Variants in TEP1 observed in about 807,000 individuals in gnomAD.
TEP1 encodes the protein telomerase protein component 1.
TEP1 carries 241 observed loss-of-function variants against 306.3 expected under a neutral mutation model. The observed-to-expected ratio is 0.79, with a 90% CI of 0.71 to 0.88. TEP1 has a LOEUF of 0.88. TEP1 is among the 40% of genes least tolerant of loss of function. TEP1 has a pLI of 0.00. For synonymous variants in TEP1, 1,289 were observed against 1,305.5 expected, an observed-to-expected ratio of 0.99 and a Z score of 0.27; for missense variants, 3,051 against 3,276.1, an observed-to-expected ratio of 0.93 and a Z score of 1.68.
rs771764886 is a variant in TEP1 at position 20,373,828 on chromosome 14, G to C, written c.6472-18C>G. On this transcript the variant is annotated intron_variant, in intron 44 of 54. Transcript: ENST00000262715. ...TGCTCCTCCTGCCCACAGAGCACAA[G>C]ATCAGAGCAGAGTCATATTGAGCAG... The C allele has an allele frequency of 6.2e-7, 1 of 1,610,986 alleles. No individual in the cohort carries two copies. Among genetic ancestry groups the C allele is most frequent in the Non-Finnish European group, 8.5e-7 (1 of 1,179,046 alleles).
At chr14:20,369,143 G>C (rs1197430570) in intron 53 of TEP1, among the ~76,000 whole-genome samples, 2 of 152,102 alleles carry the variant, frequency 1.3e-5, no homozygotes, top group Non-Finnish European at 2.9e-5. Context: ...GAGTAGCTGG[G>C]ACTACAGGCA....
chr14:20,369,505 A>G lies in TEP1; in HGVS notation c.7495T>C (p.Trp2499Arg), dbSNP rs769359774. The change falls in exon 53 of 55, where the codon TGG (tryptophan) becomes CGG (arginine). Residue 2499 changes from tryptophan to arginine, a missense_variant. Coordinates refer to ENST00000262715, the MANE Select transcript of TEP1 (RefSeq NM_007110.5). The stretch of plus-strand genomic sequence containing the variant: ...TTCTGCCACATGTTACCTGTGGTCC[A>G]TTCTCCTTCTGGGCTGCATTTGGCC... ...NLAKCSPEGE[W>R]TTGNMWQKKA... The G allele has an allele frequency of 1.1e-5, 17 of 1,614,110 alleles. No individual in the cohort carries two copies. The highest frequency in any genetic ancestry group is 1.3e-5 in the Non-Finnish European group (15 of 1,180,032).
chr14:20,386,556 G>A lies in TEP1; in HGVS notation c.2752C>T (p.Leu918=). 4 of 1,612,344 alleles carry A rather than the reference G, an allele frequency of 2.5e-6. No homozygotes were observed. The highest frequency in any genetic ancestry group is 2.5e-6 in the Non-Finnish European group (3 of 1,178,730). ...TGCAGTGCTGGCAGCACAGACCTCA[G>A]CAGCAGGTCCCGCTCCCCATGCATG... ...RDMHGERDLL[L]RSVLPALQAR... Residue 918 remains leucine (L), a synonymous_variant, in exon 19 of 55, where the codon CTG becomes TTG. Transcript: ENST00000262715.
chr14:20,384,111 T>G lies in TEP1; in HGVS notation c.3461A>C (p.Gln1154Pro), dbSNP rs760888132. 3.7e-6 allele frequency: 6 copies of G among 1,614,040 alleles called. No homozygotes were observed. Among genetic ancestry groups the G allele is most frequent in the Non-Finnish European group, 5.1e-6 (6 of 1,180,016 alleles). The change falls in exon 24 of 55, where the codon CAA becomes CCA. Residue 1154 changes from glutamine (Q) to proline (P), a missense_variant. By Grantham distance (76) the Gln-to-Pro change is moderately conservative. This residue lies in a region of TEP1 where 1,507 missense variants were observed against 1,550.5 expected (regional missense o/e 0.97). Transcript: ENST00000262715. ...ARPRLLQDTVQRLMLPHGRLS... is the reference protein window; with the variant it reads ...ARPRLLQDTVPRLMLPHGRLS... ...CCTTCCGTGGGGCAGCATCAGCCGT[T>G]GCACTGTGTCCTGAAGAAGGCGTGG...
In TEP1 at chr14:20,387,976, C is replaced by T; in HGVS notation, c.2613G>A (p.Lys871=). The change falls in exon 18 of 55, where the codon AAG becomes AAA. Residue 871 remains lysine, a synonymous_variant. Coordinates refer to ENST00000262715, the MANE Select transcript of TEP1 (RefSeq NM_007110.5). ...GTGGCCGGAGAGACTGGACCCCTGT[C>T]TTTCCTGGGGGTGGTGGAATCTTGA... ...KIFKIPPPPG[K]TGVQSLRPLE... 6.2e-7 allele frequency: 1 copy of T among 1,614,150 alleles called. No individual in the cohort carries two copies. The highest frequency in any genetic ancestry group is 8.5e-7 in the Non-Finnish European group (1 of 1,180,004).
Position 20,405,471 on chromosome 14 carries a change from C to G in TEP1, c.850G>C (p.Glu284Gln). The G allele has an allele frequency of 5.0e-6, 8 of 1,614,062 alleles. No individual in the cohort carries two copies. Among genetic ancestry groups the G allele is most frequent in the Non-Finnish European group, 6.8e-6 (8 of 1,180,000 alleles). The part of the protein sequence containing the change: ...FEICRELALL[E>Q]PEFILKASLY... The stretch of plus-strand genomic sequence containing the variant: ...AATACCTTGAGGATAAACTCAGGCT[C>G]CAGGAGGGCAAGTTCACGACAGATT... The change falls in exon 4 of 55, where the codon GAG becomes CAG. Residue 284 changes from glutamate to glutamine, a missense_variant. Glu to Gln is a conservative substitution (Grantham distance 29). This residue lies in a region of TEP1 where 1,507 missense variants were observed against 1,550.5 expected (regional missense o/e 0.97). Transcript: ENST00000262715.
At position 20,368,427 on chromosome 14, in the gene TEP1, T is replaced by A; in HGVS notation, c.*10A>T. 6.2e-7 allele frequency: 1 copy of A among 1,613,842 alleles called. No homozygotes were observed. The highest frequency in any genetic ancestry group is 8.5e-7 in the Non-Finnish European group (1 of 1,179,764). On this transcript the variant is annotated 3_prime_UTR_variant, in exon 55 of 55. Coordinates refer to ENST00000262715, the MANE Select transcript of TEP1 (RefSeq NM_007110.5). ...CACAAGGGGTATCATTATTCCCGAG[T>A]GGCACATCTTCATTCCCAATTCAGA... is the stretch of plus-strand genomic sequence containing the variant.
At position 20,384,987 on chromosome 14, in the gene TEP1, G is replaced by A. The variant is rs374492071; in HGVS notation, c.3105C>T (p.Leu1035=). 64 of 1,614,114 alleles carry A rather than the reference G, an allele frequency of 4.0e-5. No homozygotes were observed. Among genetic ancestry groups the A allele is most frequent in the Admixed American group, 8.3e-5 (5 of 60,016 alleles). ...AGCCTGCAGGCAACAGACAGTACCT[G>A]AGGAAGCTGGAATCCCGGAAGTAGA... ...ALIYFRDSSF[L]SSVPDAWKSD... The change falls in exon 21 of 55, where the codon CTC becomes CTT. Residue 1035 remains leucine (L), a splice_region_variant and synonymous_variant. Transcript: ENST00000262715.
At position 20,379,966 on chromosome 14, in the gene TEP1, A is replaced by T. The variant is rs1470899170; in HGVS notation, c.5091T>A (p.Asn1697Lys). Residue 1697 changes from asparagine (N) to lysine (K), a missense_variant, in exon 35 of 55, where the codon AAT becomes AAA. Asn to Lys is a moderately conservative substitution (Grantham distance 94). Around this residue, in one of 3 missense-constraint regions of TEP1, gnomAD observed 1,540 missense variants for 1,705.9 expected, o/e 0.90. Transcript: ENST00000262715. ...TCAGGTCCAACAGGTAAACTGTCCC[A>T]TTGGCAGTGCCCACAGCTGCTCTTT... ...NGQRAAVGTA[N>K]GTVYLLDLRT... The T allele has an allele frequency of 5.6e-6, 9 of 1,614,052 alleles. No homozygotes were observed. Among genetic ancestry groups the T allele is most frequent in the Non-Finnish European group, 7.6e-6 (9 of 1,180,000 alleles).
rs376642082 is a variant in TEP1, at chr14:20,369,555, C to T, written c.7445G>A (p.Ser2482Asn). The T allele has an allele frequency of 3.0e-5, 49 of 1,614,032 alleles. No individual in the cohort carries two copies. Among genetic ancestry groups the T allele is most frequent in the Non-Finnish European group, 4.2e-5 (49 of 1,180,040 alleles). The change falls in exon 53 of 55, where the codon AGC becomes AAC. Residue 2482 changes from serine (S) to asparagine (N), a missense_variant. Ser to Asn is a conservative substitution (Grantham distance 46). Transcript: ENST00000262715. ...PESESSFLCA[S>N]SDGILWNLAK... Reference sequence around the variant, plus strand: ...CAGGTTCCATAGGATCCCATCAGAGCTGGCACACAAAAATGAGGACTCTGC... The same window carrying T: ...CAGGTTCCATAGGATCCCATCAGAGTTGGCACACAAAAATGAGGACTCTGC...
Position 20,384,140 on chromosome 14 carries a change from G to A in TEP1, c.3432C>T (p.Ala1144=). The A allele has an allele frequency of 6.2e-7, 1 of 1,614,150 alleles. No individual in the cohort carries two copies. Among genetic ancestry groups the A allele is most frequent in the Non-Finnish European group, 8.5e-7 (1 of 1,180,024 alleles). Residue 1144 remains alanine, a synonymous_variant, in exon 24 of 55, where the codon GCC becomes GCT. Transcript: ENST00000262715. ...FQQLQKPPSP[A]RPRLLQDTVQ... ...CTGTGTCCTGAAGAAGGCGTGGCCG[G>A]GCAGGACTCGGTGGCTTCTGCAGCT...
intron 51 of TEP1, among the ~76,000 whole-genome samples, chr14:20,370,004 C>T (rs1884739513): frequency 6.6e-6 from 1 of 151,760 alleles, no homozygotes; most frequent in South Asian, 2.1e-4. Context: ...ACCTCTGCCT[C>T]CTGGGTTCAA....
Position 20,369,407 on chromosome 14 carries a change from C to T in TEP1, c.7593G>A (p.Met2531Ile). 1 of 1,614,180 alleles carries T rather than the reference C, an allele frequency of 6.2e-7. No individual in the cohort carries two copies. Among genetic ancestry groups the T allele is most frequent in the African/African-American group, 1.3e-5 (1 of 75,036 alleles). Residue 2531 changes from methionine to isoleucine, a missense_variant, in exon 53 of 55, where the codon ATG becomes ATA. Physicochemically the swap from Met to Ile is conservative, Grantham distance 10. Around this residue, in one of 3 missense-constraint regions of TEP1, gnomAD observed 1,540 missense variants for 1,705.9 expected, o/e 0.90. Transcript: ENST00000262715. ...PSTCRESDAS[M>I]DSDASMDSEP... The stretch of plus-strand genomic sequence containing the variant: ...CACTATCCATGCTGGCATCACTATC[C>T]ATGCTGGCATCAGATTCCCTGCAGG...
At position 20,382,991 on chromosome 14, in the gene TEP1, G is replaced by T. The variant is rs572221058; in HGVS notation, c.4047+183C>A. On this transcript the variant is annotated intron_variant, in intron 27 of 54. Transcript: ENST00000262715. The stretch of plus-strand genomic sequence containing the variant: ...GGCCCTGGAAAGGCCATTCACCGGG[G>T]GAAGAGGGCTGGGTGACATGATCAG... Among the ~76,000 whole-genome samples, 7 of 152,348 alleles carry T rather than the reference G, an allele frequency of 4.6e-5. No individual in the cohort carries two copies. In the East Asian group the frequency reaches 1.3e-3, roughly 29 times the overall value.
Position 20,405,441 on chromosome 14 carries a change from A to C in TEP1, c.870+10T>G. 1 of 1,613,230 alleles carries C rather than the reference A, an allele frequency of 6.2e-7. No individual in the cohort carries two copies. The highest frequency in any genetic ancestry group is 8.5e-7 in the Non-Finnish European group (1 of 1,179,744). ...TTCACACCCCCATCCCCTCCTTCAC[A>C]CCTCAATACCTTGAGGATAAACTCA... On this transcript the variant is annotated intron_variant, in intron 4 of 54. Transcript: ENST00000262715.
chr14:20,369,919 T>TC lies in TEP1; in HGVS notation c.7318-141_7318-140insG, dbSNP rs370100184. The TC allele has an allele frequency of 4.1e-4, 129 of 316,504 alleles. 4 individuals are homozygous for TC. The highest frequency in any genetic ancestry group is 9.7e-4 in the East Asian group (17 of 17,592). The allele number at this position is 316,504 out of a possible 1,614,324, so 19.6% of individuals were successfully genotyped here. The stretch of plus-strand genomic sequence containing the variant: ...ACTTAGATACAATCAAGTGCGCAAA[T>TC]TTTTTTTTTTTTGAGACGGAGTCTC... On this transcript the variant is annotated intron_variant, in intron 51 of 54. Transcript: ENST00000262715.
intron 9 of TEP1, 150 bp downstream of exon 9, chr14:20,400,834 G>T: frequency 1.1e-6 from 1 of 944,960 alleles, no homozygotes; most frequent in Non-Finnish European, 1.6e-6. Flanking sequence ...TTACTTTGGT[G>T]TAGTCAATGG....
At position 20,389,608 on chromosome 14, in the gene TEP1, A is replaced by G; in HGVS notation, c.2465+2T>C. The G allele has an allele frequency of 6.2e-7, 1 of 1,614,060 alleles. No individual in the cohort carries two copies. The highest frequency in any genetic ancestry group is 1.6e-4 in the Middle Eastern group (1 of 6,062). On this transcript the variant is annotated splice_donor_variant, in intron 16 of 54. Transcript: ENST00000262715. LOFTEE classifies it high-confidence loss of function. ...CTGGGCAGGAAGTATAAGCACCCTT[A>G]CAGGTATTGTACCCTTCTTAGGAGG... is the stretch of plus-strand genomic sequence containing the variant.
At chr14:20,409,957 G>GCTT in intron 1 of TEP1, among the ~76,000 whole-genome samples, 1 of 141,584 alleles carries the variant, frequency 7.1e-6, no homozygotes, top group Non-Finnish European at 1.5e-5. Context: ...GGGAGGCGGA[G>GCTT]CTTGCAGTGA....
Sources: gnomAD v4.1 joint callset for allele counts (sites outside exome capture counted in the v4.1 genomes callset) on GRCh38, gnomAD v4.1.1 for gene constraint, gnomAD v4.1.1 regional missense constraint, MANE v1.5 for transcripts, NCBI Gene and HGNC (gene_info 2026-07-23, HGNC 2026-07-21) for gene names.